OVCH1: variants seen among roughly 807,000 people sequenced by gnomAD.
The protein encoded by OVCH1 is ovochymase 1.
Under a neutral mutation model 138.4 loss-of-function variants are expected in OVCH1, and 139 were observed. That is an observed-to-expected ratio of 1.00 (90% CI 0.87 to 1.16). The LOEUF (loss-of-function observed/expected upper bound fraction) is 1.16, where lower values mean the gene tolerates loss of function less well. Ranked by LOEUF, OVCH1 falls within the 50% of genes most tolerant of loss-of-function variation. The pLI is 0.00. For synonymous variants in OVCH1, 453 were observed against 467.8 expected, an observed-to-expected ratio of 0.97 and a Z score of 0.41; for missense variants, 1,367 against 1,357.9, an observed-to-expected ratio of 1.01 and a Z score of -0.11.
downstream of OVCH1, among the ~76,000 whole-genome samples, chr12:29,427,002 T>G (rs1941190729): frequency 6.6e-6 from 1 of 152,204 alleles, no homozygotes; most frequent in African/African-American, 2.4e-5. Context: ...CACAATTCAC[T>G]TTGTCACTCC....
chr12:29,426,742 C>T (rs991967699), downstream of OVCH1, among the ~76,000 whole-genome samples: 3 of 152,158 alleles, frequency 2.0e-5, no homozygotes, highest in Non-Finnish European at 4.4e-5. Flanking sequence ...CTACTTCACT[C>T]GCATTCCATT....
At position 29,455,022 on chromosome 12, in the gene OVCH1, CA is replaced by C. The variant is rs141029025; in HGVS notation, c.2438-90del. 0.01 allele frequency: 13,180 copies of C among 1,259,820 alleles called. 632 individuals are homozygous for C. In the African/African-American group the frequency reaches 0.13, roughly 12 times the overall value. The allele number at this position is 1,259,820 out of a possible 1,614,324, so 78.0% of individuals were successfully genotyped here. On this transcript the variant is annotated intron_variant, in intron 20 of 27. Coordinates refer to ENST00000318184, the Ensembl canonical transcript of OVCH1. ...CTAAAGCAGCCACTATCAAAAGAAA[CA>C]AAAAAGAAACAAATCCAGGATTAAA...
chr12:29,404,680 C>A, the OVCH1 span, among the ~76,000 whole-genome samples: 1 of 152,082 alleles, frequency 6.6e-6, no homozygotes, highest in African/African-American at 2.4e-5. Context: ...TTCAGTGTTA[C>A]TAGAAGTAGG....
chr12:29,416,649 C>T (rs1941034609), intron 3 of OVCH1, among the ~76,000 whole-genome samples: 1 of 152,140 alleles, frequency 6.6e-6, no homozygotes, highest in Non-Finnish European at 1.5e-5. Flanking sequence ...AAAAGAATGA[C>T]AATGGCAAAT....
chr12:29,419,891 T>C (rs543181054), intron 3 of OVCH1, among the ~76,000 whole-genome samples: 1 of 152,206 alleles, frequency 6.6e-6, no homozygotes, highest in South Asian at 2.1e-4. Context: ...AGTCTGAAAA[T>C]TGCCTTATAA....
At chr12:29,478,776 T>A (rs1033581923) in intron 9 of OVCH1, 59 bp downstream of exon 10, 3 of 1,230,516 alleles carry the variant, frequency 2.4e-6, no homozygotes, top group Non-Finnish European at 3.3e-6. Flanking sequence ...TCCTTTAGCA[T>A]CTCTTTGGTC....
exon 20 of OVCH1, chr12:29,455,381 A>G (rs1249973988): frequency 1.2e-5 from 20 of 1,611,552 alleles, no homozygotes; most frequent in Admixed American, 1.7e-5. Context: ...TCATGTCTAC[A>G]TACTAGTGGC....
chr12:29,475,559 C>A (rs1942677585), intron 13 of OVCH1, among the ~76,000 whole-genome samples: 1 of 152,106 alleles, frequency 6.6e-6, no homozygotes, highest in Admixed American at 6.6e-5. Flanking sequence ...CTCGAAGTCA[C>A]TTTCATGAAA....
chr12:29,450,054 C>T (rs1160452534), intron 22 of OVCH1, among the ~76,000 whole-genome samples: 1 of 152,056 alleles, frequency 6.6e-6, no homozygotes, highest in Non-Finnish European at 1.5e-5. Context: ...GACCTAAAAC[C>T]CTAAAAACCC....
In OVCH1 at chr12:29,495,483, A is replaced by C. The variant is rs773664310; in HGVS notation, c.282-26T>G. ...CTAAAACCAAAGAAAAATGTTTCAT[A>C]AGTAGTTGTTTCCCCTACGCAAGTC... On this transcript the variant is annotated intron_variant, in intron 3 of 27. Coordinates refer to ENST00000318184, the Ensembl canonical transcript of OVCH1. The C allele has an allele frequency of 1.9e-6, 3 of 1,601,960 alleles. No individual in the cohort carries two copies. The Admixed American group carries it at 5.1e-5, about 27-fold the overall frequency.
chr12:29,404,452 G>C, the OVCH1 span, among the ~76,000 whole-genome samples: 1 of 152,186 alleles, frequency 6.6e-6, no homozygotes, highest in Non-Finnish European at 1.5e-5. Context: ...GCTGATTTCT[G>C]CTCACAACCT....
exon 11 of OVCH1, chr12:29,477,368 C>T (rs180973595): frequency 8.1e-6 from 13 of 1,613,938 alleles, no homozygotes; most frequent in East Asian, 2.2e-5. Flanking sequence ...ACAGCAGTAA[C>T]GGTAAGCTCA....
intron 8 of OVCH1, among the ~76,000 whole-genome samples, chr12:29,483,250 T>G (rs1212988401): frequency 6.6e-6 from 1 of 152,192 alleles, no homozygotes; most frequent in African/African-American, 2.4e-5. Flanking sequence ...CTAGAGGTCC[T>G]AGAGGTCCCT....
Position 29,468,313 on chromosome 12 carries a change from A to G in OVCH1, c.1857-3094T>C, listed in dbSNP as rs761724358. ...CATTACTATTATAATACATATTTTT[A>G]AAGAAATTAAGAAGTCAAAAATGAA... On this transcript the variant is annotated intron_variant, in intron 16 of 27. Transcript: ENST00000318184. Among the ~76,000 whole-genome samples, 62 of 152,174 alleles carry G rather than the reference A, an allele frequency of 4.1e-4. 1 individual carries two copies. The highest frequency in any genetic ancestry group is 1.6e-4 in the Non-Finnish European group (11 of 68,028).
chr12:29,405,021 C>CAAAAAAAAAAAAAAAAAAA, the OVCH1 span, among the ~76,000 whole-genome samples: 3 of 80,438 alleles, frequency 3.7e-5, no homozygotes, highest in African/African-American at 7.0e-5. Flanking sequence ...CACTCCACCT[C>CAAAAAAAAAAAAAAAAAAA]AAAAAAAAAA....
At chr12:29,407,567 C>T (rs978536419), downstream of OVCH1, among the ~76,000 whole-genome samples, 6 of 150,018 alleles carry the variant, frequency 4.0e-5, no homozygotes, top group Admixed American at 1.3e-4. Context: ...ATAGGGAATC[C>T]GTTCCCCATT....
chr12:29,440,735 C>A (rs910840407), intron 25 of OVCH1: 5 of 455,784 alleles, frequency 1.1e-5, no homozygotes, highest in Non-Finnish European at 2.2e-5. Context: ...CAGTGCTCAT[C>A]AACATTCTCC....
At chr12:29,424,870 C>T (rs568090062), downstream of OVCH1, among the ~76,000 whole-genome samples, 6 of 152,150 alleles carry the variant, frequency 3.9e-5, no homozygotes, top group South Asian at 8.3e-4. Flanking sequence ...ATTTGTTAAA[C>T]GAAAATAAAC....
chr12:29,477,571 T>C (rs752189295), exon 10 of OVCH1: 5 of 1,613,772 alleles, frequency 3.1e-6, no homozygotes, highest in Non-Finnish European at 3.4e-6. Flanking sequence ...CCATGAGAGA[T>C]CTCTGATCTA....
Sources: gnomAD v4.1 joint callset for allele counts (sites outside exome capture counted in the v4.1 genomes callset) on GRCh38, gnomAD v4.1.1 for gene constraint, MANE v1.5 for transcripts, NCBI Gene and HGNC (gene_info 2026-07-23, HGNC 2026-07-21) for gene names.